The following CCDC149 variants were observed in gnomAD, a reference collection of about 807,000 sequenced individuals.
CCDC149 encodes the protein coiled-coil domain-containing protein 149.
Under a neutral mutation model 59.9 loss-of-function variants are expected in CCDC149, and 45 were observed. The observed-to-expected ratio is 0.75, with a 90% confidence interval of 0.59 to 0.96. The LOEUF is 0.96. Ranked by LOEUF, CCDC149 falls within the 40% of genes least tolerant of loss-of-function variation. The pLI, the probability that CCDC149 is intolerant of heterozygous loss-of-function variation, is 0.00. For missense variants in CCDC149, 584 were observed against 664.7 expected (o/e 0.88, Z 1.33); for synonymous variants, 245 against 260.6 (o/e 0.94, Z 0.58).
intron 12 of CCDC149, among the ~76,000 whole-genome samples, chr4:24,813,445 T>C (rs1379258428): frequency 1.4e-5 from 2 of 147,802 alleles, no homozygotes; most frequent in African/African-American, 2.5e-5. Flanking sequence ...CTAAGGTTTC[T>C]AGATAAATTG....
intron 2 of CCDC149, among the ~76,000 whole-genome samples, chr4:24,875,696 C>T (rs183280705): frequency 1.3e-5 from 2 of 152,250 alleles, no homozygotes; most frequent in East Asian, 3.9e-4. Context: ...CAGTAGCCAT[C>T]AGTCACATGA....
chr4:24,839,178 C>A (rs1046397288), intron 4 of CCDC149, among the ~76,000 whole-genome samples: 2 of 151,470 alleles, frequency 1.3e-5, no homozygotes, highest in Non-Finnish European at 2.9e-5. Flanking sequence ...TTTTTACTTT[C>A]TAACTTTTTT....
intron 5 of CCDC149, 98 bp downstream of exon 5, chr4:24,838,058 C>T: frequency 1.0e-6 from 1 of 954,096 alleles, no homozygotes; most frequent in Non-Finnish European, 1.7e-6. Context: ...TCCCAGGCAC[C>T]CCATACTCTG....
chr4:24,879,537 T>C (rs994650882), intron 1 of CCDC149, among the ~76,000 whole-genome samples: 1 of 145,732 alleles, frequency 6.9e-6, no homozygotes, highest in South Asian at 2.2e-4. Flanking sequence ...AAAAAAAAAT[T>C]AGCTGGGCAT....
intron 1 of CCDC149, among the ~76,000 whole-genome samples, chr4:24,942,034 TA>T (rs1384520405): frequency 6.6e-6 from 1 of 152,224 alleles, no homozygotes; most frequent in African/African-American, 2.4e-5. Flanking sequence ...GAATGCTCCC[TA>T]ACTCATTTTA....
In CCDC149 at chr4:24,901,263, G is replaced by C. The variant is rs541340658; in HGVS notation, c.63+11554C>G. Among the ~76,000 whole-genome samples the C allele has an allele frequency of 1.1e-4, 17 of 152,328 alleles. No individual in the cohort carries two copies. In the East Asian group the frequency reaches 3.3e-3, roughly 29 times the overall value. ...CTCCACCACTTTGCCAGATGGGCCA[G>C]AGAGAGGTGCAGACTCTCAACTTAA... is the stretch of plus-strand genomic sequence containing the variant. On this transcript the variant is annotated intron_variant, in intron 1 of 12. Transcript: ENST00000635206.
chr4:24,825,224 G>A (rs947259632), intron 9 of CCDC149, among the ~76,000 whole-genome samples: 2 of 152,210 alleles, frequency 1.3e-5, no homozygotes, highest in Non-Finnish European at 2.9e-5. Context: ...TAAACGTCTG[G>A]TGGGAGACAG....
intron 3 of CCDC149, among the ~76,000 whole-genome samples, chr4:24,863,618 T>C (rs73804444): frequency 0.01 from 1,556 of 152,324 alleles, 22 homozygotes; most frequent in African/African-American, 0.036. Flanking sequence ...AATAAAATAG[T>C]AGACACTAGG....
chr4:24,938,184 T>C (rs559946159), intron 1 of CCDC149, among the ~76,000 whole-genome samples: 18 of 152,322 alleles, frequency 1.2e-4, no homozygotes, highest in African/African-American at 4.3e-4. Flanking sequence ...ATCTGTGTCA[T>C]GCATCAATTA....
At chr4:24,874,261 TTTTGTTTTTTTTTG>T (rs1394022977) in intron 2 of CCDC149, among the ~76,000 whole-genome samples, 11,275 of 40,478 alleles carry the variant, frequency 0.28, 1,177 homozygotes, top group Admixed American at 0.33. Flanking sequence ...TTTTTTTTTG[TTTTGTTTTTTTTTG>T]TTTTTTTGCC....
intron 1 of CCDC149, among the ~76,000 whole-genome samples, chr4:24,890,755 C>T (rs1350460676): frequency 2.0e-5 from 3 of 152,228 alleles, no homozygotes; most frequent in Non-Finnish European, 4.4e-5. Flanking sequence ...GAGTCAGGTG[C>T]ACATACTCTA....
intron 3 of CCDC149, among the ~76,000 whole-genome samples, chr4:24,861,349 T>A (rs755321597): frequency 2.6e-5 from 4 of 151,332 alleles, no homozygotes; most frequent in Non-Finnish European, 5.9e-5. Flanking sequence ...CTGGATGGAG[T>A]TGGAGACTAT....
chr4:24,882,157 G>A (rs1430047162), intron 1 of CCDC149, among the ~76,000 whole-genome samples: 1 of 152,072 alleles, frequency 6.6e-6, no homozygotes, highest in Admixed American at 6.5e-5. Flanking sequence ...AAAACTAGTG[G>A]GTCTGCCACT....
At chr4:24,815,849 A>G (rs1272834656) in intron 12 of CCDC149, among the ~76,000 whole-genome samples, 1 of 152,128 alleles carries the variant, frequency 6.6e-6, no homozygotes, top group Non-Finnish European at 1.5e-5. Context: ...CAGTGGGTGC[A>G]GGGGGGTGCG....
At chr4:24,944,128 TA>T (rs1343275099) in intron 1 of CCDC149, among the ~76,000 whole-genome samples, 1 of 152,102 alleles carries the variant, frequency 6.6e-6, no homozygotes, top group Non-Finnish European at 1.5e-5. Flanking sequence ...CTATTCACAA[TA>T]ACAAAGACTT....
intron 1 of CCDC149, among the ~76,000 whole-genome samples, chr4:24,890,105 T>A (rs1392596182): frequency 6.6e-6 from 1 of 152,170 alleles, no homozygotes; most frequent in Non-Finnish European, 1.5e-5. Flanking sequence ...GCACCTGGGC[T>A]TTAGAGTGAC....
At chr4:24,819,663 G>A (rs553200535) in intron 12 of CCDC149, among the ~76,000 whole-genome samples, 196 bp downstream of exon 12, 1 of 152,286 alleles carries the variant, frequency 6.6e-6, no homozygotes, top group African/African-American at 2.4e-5. Context: ...TGCCTAGAGA[G>A]CAGGGGCCTG....
intron 3 of CCDC149, among the ~76,000 whole-genome samples, chr4:24,867,575 G>T (rs980333389): frequency 2.0e-5 from 3 of 152,216 alleles, no homozygotes; most frequent in Admixed American, 6.5e-5. Flanking sequence ...TAGAGCAGCG[G>T]CTCTTAAATG....
chr4:24,825,324 G>A (rs1488055003), intron 9 of CCDC149, among the ~76,000 whole-genome samples: 1 of 152,132 alleles, frequency 6.6e-6, no homozygotes, highest in Non-Finnish European at 1.5e-5. Context: ...CTCTATACTA[G>A]GCATGCACAG....
Sources: allele counts gnomAD v4.1 joint callset (sites outside exome capture counted in the v4.1 genomes callset), GRCh38; gene constraint gnomAD v4.1.1; transcripts MANE v1.5; gene names NCBI Gene and HGNC (gene_info 2026-07-23, HGNC 2026-07-21).